The following ATXN1 variants were observed in gnomAD, a reference collection of about 807,000 sequenced individuals.
ATXN1 encodes ataxin-1.
Under a neutral mutation model 56.4 loss-of-function variants are expected in ATXN1, and 8 were observed. That is an observed-to-expected ratio of 0.14 (90% CI 0.08 to 0.26). The LOEUF is 0.26. ATXN1 is among the 10% of genes least tolerant of loss of function. The pLI is 1.00. For missense variants in ATXN1, 987 were observed against 1,106.5 expected (o/e 0.89, Z 1.53); for synonymous variants, 514 against 494.6 (o/e 1.04, Z -0.52).
chr6:16,439,384 TA>T (rs1561896231), intron 6 of ATXN1, among the ~76,000 whole-genome samples: 3 of 1,832 alleles, frequency 1.6e-3, no homozygotes, highest in Admixed American at 8.5e-3. Context: ...GGGGCGGGAA[TA>T]AGGGTTGGGG....
intron 5 of ATXN1, among the ~76,000 whole-genome samples, chr6:16,508,206 G>A (rs772433440): frequency 5.9e-5 from 9 of 152,078 alleles, no homozygotes; most frequent in South Asian, 4.1e-4. Flanking sequence ...TTTGGAAAAC[G>A]ATACTACATG....
chr6:16,606,522 GTTT>G (rs77088625), intron 3 of ATXN1, among the ~76,000 whole-genome samples: 1 of 147,800 alleles, frequency 6.8e-6, no homozygotes, highest in Non-Finnish European at 1.5e-5. Context: ...TTGTTTGTGG[GTTT>G]TTTTTTTTAT....
intron 4 of ATXN1, among the ~76,000 whole-genome samples, chr6:16,557,515 T>C (rs1376396756): frequency 6.6e-6 from 1 of 152,150 alleles, no homozygotes; most frequent in African/African-American, 2.4e-5. Flanking sequence ...ATTAGAAAGC[T>C]AATTCTGAAG....
At chr6:16,518,830 G>A (rs1244262161) in intron 5 of ATXN1, among the ~76,000 whole-genome samples, 2 of 152,058 alleles carry the variant, frequency 1.3e-5, no homozygotes, top group African/African-American at 4.8e-5. Flanking sequence ...AGTGAGGTGG[G>A]AAAAAGGATG....
At chr6:16,500,696 G>A (rs1447918521) in intron 5 of ATXN1, among the ~76,000 whole-genome samples, 1 of 142,770 alleles carries the variant, frequency 7.0e-6, no homozygotes, top group Non-Finnish European at 1.5e-5. Flanking sequence ...TTTCCAAGAT[G>A]TGATAAGACT....
At chr6:16,460,787 G>A (rs1315768864) in intron 6 of ATXN1, among the ~76,000 whole-genome samples, 1 of 152,188 alleles carries the variant, frequency 6.6e-6, no homozygotes, top group Non-Finnish European at 1.5e-5. Flanking sequence ...TTATGCCATA[G>A]TTAGTGATGT....
At chr6:16,419,865 C>T (rs1171635392) in intron 6 of ATXN1, among the ~76,000 whole-genome samples, 1 of 152,192 alleles carries the variant, frequency 6.6e-6, no homozygotes, top group Non-Finnish European at 1.5e-5. Context: ...TCCAACCCAA[C>T]CTCACTCTCA....
intron 6 of ATXN1, among the ~76,000 whole-genome samples, chr6:16,349,559 G>T (rs1364984735): frequency 6.6e-6 from 1 of 151,982 alleles, no homozygotes; most frequent in African/African-American, 2.4e-5. Context: ...TCTTTCTCAG[G>T]TTACTTCCTG....
chr6:16,575,030 T>C (rs1235093294), intron 4 of ATXN1, among the ~76,000 whole-genome samples: 1 of 152,090 alleles, frequency 6.6e-6, no homozygotes, highest in Non-Finnish European at 1.5e-5. Context: ...TTATGCCTTT[T>C]CAGGGAGGAT....
intron 6 of ATXN1, among the ~76,000 whole-genome samples, chr6:16,426,057 C>A (rs1430787663): frequency 6.6e-6 from 1 of 152,148 alleles, no homozygotes; most frequent in Non-Finnish European, 1.5e-5. Context: ...AATACTGCCA[C>A]AGAGGCAGAG....
intron 7 of ATXN1, among the ~76,000 whole-genome samples, chr6:16,323,784 C>A (rs1428212147): frequency 6.6e-6 from 1 of 152,132 alleles, no homozygotes; most frequent in Non-Finnish European, 1.5e-5. Context: ...CCATGTGTCA[C>A]CTGGGGTCTG....
At chr6:16,749,422 T>A (rs933016586) in intron 2 of ATXN1, among the ~76,000 whole-genome samples, 1 of 152,222 alleles carries the variant, frequency 6.6e-6, no homozygotes, top group African/African-American at 2.4e-5. Flanking sequence ...CCGCATACGC[T>A]GAATTTCAAA....
intron 2 of ATXN1, among the ~76,000 whole-genome samples, chr6:16,700,393 C>G (rs1759256765): frequency 6.6e-6 from 1 of 152,112 alleles, no homozygotes; most frequent in Non-Finnish European, 1.5e-5. Flanking sequence ...TCTTGCTGTG[C>G]TCTGCAACCC....
intron 6 of ATXN1, among the ~76,000 whole-genome samples, chr6:16,441,018 G>A (rs1449553505): frequency 3.3e-5 from 5 of 152,118 alleles, no homozygotes; most frequent in South Asian, 2.1e-4. Context: ...AGGTCCTTAC[G>A]GCACGGTCAG....
At chr6:16,570,485 G>T (rs934804560) in intron 4 of ATXN1, among the ~76,000 whole-genome samples, 2 of 152,132 alleles carry the variant, frequency 1.3e-5, no homozygotes, top group Non-Finnish European at 2.9e-5. Context: ...CAGGTTTCAA[G>T]TAGGACCCAC....
chr6:16,360,404 A>C (rs1435591124), intron 6 of ATXN1, among the ~76,000 whole-genome samples: 1 of 152,206 alleles, frequency 6.6e-6, no homozygotes, highest in Admixed American at 6.5e-5. Context: ...TTTATTTTTA[A>C]ATTTACATAT....
At chr6:16,546,273 G>A (rs1761812841) in intron 4 of ATXN1, among the ~76,000 whole-genome samples, 1 of 152,158 alleles carries the variant, frequency 6.6e-6, no homozygotes, top group South Asian at 2.1e-4. Flanking sequence ...TCCCAGAACT[G>A]TAATTTCATC....
chr6:16,449,077 A>C (rs945076959), intron 6 of ATXN1, among the ~76,000 whole-genome samples: 5 of 75,666 alleles, frequency 6.6e-5, no homozygotes, highest in Admixed American at 6.1e-4. Flanking sequence ...CTCAAAATAA[A>C]GGTATCCCGT....
Position 16,301,103 on chromosome 6 carries a change from CAA to C in ATXN1, c.*5224_*5225del, listed in dbSNP as rs1760085291. 1 of 128,694 alleles carries C rather than the reference CAA, an allele frequency of 7.8e-6. No homozygotes were observed. Among genetic ancestry groups the C allele is most frequent in the Non-Finnish European group, 1.7e-5 (1 of 58,932 alleles). The allele number at this position is 128,694 out of a possible 1,614,324, so 8.0% of individuals were successfully genotyped here. On this transcript the variant is annotated 3_prime_UTR_variant, in exon 8 of 8. Coordinates refer to ENST00000436367, the MANE Select transcript of ATXN1 (RefSeq NM_001128164.2). ...TTCTCTGCTTTTTTTTTTTTACAAACAAAGTATGAAACTCATTGTTTCAACAG... is the reference window on the plus strand; with the variant it reads ...TTCTCTGCTTTTTTTTTTTTACAAACAGTATGAAACTCATTGTTTCAACAG...
Sources: gnomAD v4.1 joint callset for allele counts (sites outside exome capture counted in the v4.1 genomes callset) on GRCh38, gnomAD v4.1.1 for gene constraint, MANE v1.5 for transcripts, NCBI Gene and HGNC (gene_info 2026-07-23, HGNC 2026-07-21) for gene names.